Variants in RPP14 observed in about 807,000 individuals in gnomAD.
RPP14 encodes the protein ribonuclease P/MRP subunit p14, also known as ribonuclease P protein subunit p14.
A neutral mutation model predicts 17.8 loss-of-function variants in RPP14; 19 were observed. The observed-to-expected ratio is 1.07, with a 90% CI of 0.74 to 1.57. The LOEUF is 1.57. RPP14 is among the 40% of genes most tolerant of loss of function. The pLI is 0.00. For synonymous variants in RPP14, 60 were observed against 56.4 expected, an observed-to-expected ratio of 1.06 and a Z score of -0.29; for missense variants, 125 against 140.8, an observed-to-expected ratio of 0.89 and a Z score of 0.57.
chr3:58,316,996 A>G lies in RPP14; in HGVS notation c.318+3A>G, dbSNP rs370122289. On this transcript the variant is annotated splice_donor_region_variant and intron_variant, in intron 5 of 5. Transcript: ENST00000295959. ...AATGTGCTTTCCGGGTGATTCAGGT[A>G]AAGACTATTCCCTCACATATTCCAA... The G allele has an allele frequency of 3.1e-6, 5 of 1,608,826 alleles. No individual in the cohort carries two copies. The highest frequency in any genetic ancestry group is 3.4e-6 in the Non-Finnish European group (4 of 1,175,516).
Position 58,316,957 on chromosome 3 carries a change from C to T in RPP14, c.282C>T (p.Ser94=). ...KLWSSLTLLG[S]YKGKKCAFRV... ...GGAGCTCTTTGACCCTGTTAGGATCCTATAAAGGCAAAAAATGTGCTTTCC... is the reference window on the plus strand; with the variant it reads ...GGAGCTCTTTGACCCTGTTAGGATCTTATAAAGGCAAAAAATGTGCTTTCC... The change falls in exon 5 of 6, where the codon TCC becomes TCT. Residue 94 remains serine, a synonymous_variant. Coordinates refer to ENST00000295959, the MANE Select transcript of RPP14 (RefSeq NM_007042.6). 1 of 1,613,800 alleles carries T rather than the reference C, an allele frequency of 6.2e-7. No homozygotes were observed. Among genetic ancestry groups the T allele is most frequent in the East Asian group, 2.2e-5 (1 of 44,870 alleles).
chr3:58,317,036 T>G, intron 5 of RPP14, 43 bp downstream of exon 5: 1 of 1,363,046 alleles, frequency 7.3e-7, no homozygotes, highest in Non-Finnish European at 1.0e-6. Flanking sequence ...GACTGAGTGA[T>G]GGGTCAACTG....
chr3:58,310,452 T>C, intron 2 of RPP14, 46 bp downstream of exon 2: 1 of 1,603,144 alleles, frequency 6.2e-7, no homozygotes, highest in East Asian at 2.2e-5. Context: ...TTTTCTAACA[T>C]GAATCTGAAT....
At chr3:58,307,748 C>T (rs1049718048) in intron 1 of RPP14, 3 of 152,164 alleles carry the variant, frequency 2.0e-5, no homozygotes, top group Non-Finnish European at 4.4e-5. Flanking sequence ...CGTGAGCCCA[C>T]ATCTGTGGAG....
intron 1 of RPP14, 105 bp from the exon 2 acceptor site, chr3:58,310,204 C>G (rs2097480592): frequency 2.5e-6 from 2 of 813,218 alleles, no homozygotes; most frequent in South Asian, 3.1e-5. Flanking sequence ...GAGACCCTGC[C>G]TTAAAACAAA....
chr3:58,306,869 A>G (rs1391276198), intron 1 of RPP14, among the ~76,000 whole-genome samples: 1 of 152,258 alleles, frequency 6.6e-6, no homozygotes, highest in Non-Finnish European at 1.5e-5. Flanking sequence ...GGGGAAGTAC[A>G]GATAAAGATA....
intron 1 of RPP14, chr3:58,306,652 G>T (rs1427896155): frequency 6.6e-6 from 1 of 150,930 alleles, no homozygotes; most frequent in Non-Finnish European, 1.5e-5. Flanking sequence ...CCGGCGCGAG[G>T]TGAGCGCTAA....
chr3:58,318,853 A>G lies in RPP14; in HGVS notation c.*1357A>G, dbSNP rs1049488277. The G allele has an allele frequency of 4.7e-5, 7 of 150,308 alleles. No individual in the cohort carries two copies. 9.3% of individuals were successfully genotyped at this position (150,308 alleles called of 1,614,324 possible). On this transcript the variant is annotated 3_prime_UTR_variant, in exon 6 of 6. Transcript: ENST00000295959. ...ATCTCTACTAAAAATACAAAAACTAACCGGGCATGGTGGCGGGCACCTGTA... is the reference window on the plus strand; with the variant it reads ...ATCTCTACTAAAAATACAAAAACTAGCCGGGCATGGTGGCGGGCACCTGTA...
At chr3:58,316,624 CAG>C (rs1216316417) in intron 4 of RPP14, 33 bp downstream of exon 4, 3 of 1,573,506 alleles carry the variant, frequency 1.9e-6, no homozygotes, top group Admixed American at 1.7e-5. Flanking sequence ...TCTAGTATAA[CAG>C]GGCAGAGAGA....
rs78662364 is a variant in RPP14 at position 58,306,926 on chromosome 3, G to A, written c.-22+509G>A. Among the ~76,000 whole-genome samples, 1,261 of 152,316 alleles carry A rather than the reference G, an allele frequency of 8.3e-3. 19 individuals are homozygous for A. Among genetic ancestry groups the A allele is most frequent in the African/African-American group, 0.029 (1,206 of 41,560 alleles). On this transcript the variant is annotated intron_variant, in intron 1 of 5. Coordinates refer to ENST00000295959, the MANE Select transcript of RPP14 (RefSeq NM_007042.6). ...AGAAAAAGGCAAATGCTACGAAGAA[G>A]AAAGCAGGGACGGGGCATGGGGGTG...
chr3:58,310,438 T>A, intron 2 of RPP14, 32 bp downstream of exon 2: 1 of 1,610,558 alleles, frequency 6.2e-7, no homozygotes, highest in Non-Finnish European at 8.5e-7. Context: ...CTATTTTAGA[T>A]TACTTTTCTA....
chr3:58,312,980 A>AAG (rs1376152832), intron 3 of RPP14, among the ~76,000 whole-genome samples: 5 of 135,688 alleles, frequency 3.7e-5, no homozygotes, highest in African/African-American at 1.3e-4. Flanking sequence ...AAAAAAAAAA[A>AAG]GGGCTGGGCA....
At chr3:58,309,275 T>G (rs924480623) in intron 1 of RPP14, among the ~76,000 whole-genome samples, 2 of 152,210 alleles carry the variant, frequency 1.3e-5, no homozygotes, top group Non-Finnish European at 2.9e-5. Context: ...TGGTCTTGAG[T>G]GGGCTCAGAG....
chr3:58,312,259 A>ATT (rs982321851), intron 3 of RPP14, among the ~76,000 whole-genome samples: 6 of 143,546 alleles, frequency 4.2e-5, no homozygotes, highest in African/African-American at 1.5e-4. Context: ...ATTTTATTTT[A>ATT]TTTTTATTTA....
chr3:58,310,983 A>T (rs2097481612), intron 3 of RPP14, among the ~76,000 whole-genome samples: 1 of 143,978 alleles, frequency 6.9e-6, no homozygotes, highest in Non-Finnish European at 1.5e-5. Context: ...AAAAAAAAAT[A>T]AATTATACAA....
At chr3:58,309,978 T>G (rs1442076159) in intron 1 of RPP14, 1 of 207,504 alleles carries the variant, frequency 4.8e-6, no homozygotes, top group Non-Finnish European at 9.8e-6. Flanking sequence ...GTTGGGCAAA[T>G]TGCTTGAGCC....
At chr3:58,312,545 C>T (rs982267997) in intron 3 of RPP14, among the ~76,000 whole-genome samples, 1 of 152,082 alleles carries the variant, frequency 6.6e-6, no homozygotes, top group African/African-American at 2.4e-5. Context: ...ACAAGGAACA[C>T]GTTAGACAAA....
intron 1 of RPP14, among the ~76,000 whole-genome samples, chr3:58,307,121 A>G (rs1191564997): frequency 6.6e-6 from 1 of 152,168 alleles, no homozygotes; most frequent in East Asian, 1.9e-4. Flanking sequence ...GGCGCGTGAG[A>G]AAGAGCTAGG....
intron 1 of RPP14, chr3:58,309,929 G>A (rs950412670): frequency 1.2e-5 from 2 of 172,264 alleles, no homozygotes; most frequent in African/African-American, 4.8e-5. Flanking sequence ...GCCGGGCCTG[G>A]TGGCTCACAC....
Sources: gnomAD v4.1 joint callset for allele counts (sites outside exome capture counted in the v4.1 genomes callset) on GRCh38, gnomAD v4.1.1 for gene constraint, MANE v1.5 for transcripts, NCBI Gene and HGNC (gene_info 2026-07-23, HGNC 2026-07-21) for gene names.